Variants in TMOD1 observed in about 807,000 individuals in gnomAD.
The protein encoded by TMOD1 is tropomodulin-1.
TMOD1 carries 17 observed loss-of-function variants against 40.6 expected under a neutral mutation model. The observed-to-expected ratio is 0.42, with a 90% CI of 0.29 to 0.63. TMOD1 has a LOEUF of 0.63. TMOD1 is among the 20% of genes least tolerant of loss of function. TMOD1 has a pLI of 0.22. For synonymous variants in TMOD1, 181 were observed against 175.0 expected (o/e 1.03, Z -0.27); for missense variants, 391 against 447.6 (o/e 0.87, Z 1.14).
intron 9 of TMOD1, 91 bp downstream of exon 9, chr9:97,591,526 C>T: frequency 2.1e-6 from 3 of 1,433,728 alleles, no homozygotes; most frequent in South Asian, 2.6e-5. Flanking sequence ...GTAGATGCCT[C>T]TCCGAGTCTT....
chr9:97,501,630 C>G (rs1238423286), upstream of TMOD1: 4 of 149,114 alleles, frequency 2.7e-5, no homozygotes, highest in Non-Finnish European at 4.5e-5. Context: ...CTCCCACCCC[C>G]GAGCCCACAG....
chr9:97,553,531 T>G, intron 4 of TMOD1, 131 bp downstream of exon 4: 1 of 1,301,442 alleles, frequency 7.7e-7, no homozygotes, highest in Non-Finnish European at 1.0e-6. Context: ...AGACCGAGAG[T>G]GTTCAAACAA....
At chr9:97,508,884 TAAG>T (rs1280265269) in intron 1 of TMOD1, among the ~76,000 whole-genome samples, 4 of 152,198 alleles carry the variant, frequency 2.6e-5, no homozygotes, top group South Asian at 2.1e-4. Flanking sequence ...ACTGGTGTCT[TAAG>T]AAGAAGAGTG....
intron 1 of TMOD1, among the ~76,000 whole-genome samples, chr9:97,505,987 A>G (rs1019040141): frequency 1.3e-5 from 2 of 152,162 alleles, no homozygotes; most frequent in African/African-American, 4.8e-5. Flanking sequence ...CAGATTCATT[A>G]GCCTCTAAGA....
chr9:97,588,959 A>C (rs1825938800), intron 8 of TMOD1, among the ~76,000 whole-genome samples: 1 of 151,954 alleles, frequency 6.6e-6, no homozygotes, highest in South Asian at 2.1e-4. Flanking sequence ...TCTACTAAAA[A>C]TACAAAAATT....
intron 2 of TMOD1, among the ~76,000 whole-genome samples, chr9:97,529,547 A>C: frequency 6.6e-6 from 1 of 152,086 alleles, no homozygotes; most frequent in East Asian, 1.9e-4. Context: ...AAAAAAAAAA[A>C]AAGTCCCCAA....
chr9:97,574,544 G>A (rs1320964300), intron 8 of TMOD1, among the ~76,000 whole-genome samples: 1 of 152,240 alleles, frequency 6.6e-6, no homozygotes, highest in Admixed American at 6.5e-5. Flanking sequence ...AACCACCCAA[G>A]GGCTGAGGAG....
Position 97,553,202 on chromosome 9 carries a change from G to C in TMOD1, c.278-79G>C, listed in dbSNP as rs2297162. ...GGAGGGACCCACAGGGCTCTACAATGGTCCACGCAGGGCTGTGGGTCCACC... is the reference window on the plus strand; with the variant it reads ...GGAGGGACCCACAGGGCTCTACAATCGTCCACGCAGGGCTGTGGGTCCACC... On this transcript the variant is annotated intron_variant, in intron 3 of 9. Transcript: ENST00000259365. 9.9e-4 allele frequency: 1,584 copies of C among 1,596,144 alleles called. 15 individuals carry two copies. The East Asian group carries it at 0.023, about 23-fold the overall frequency.
At chr9:97,516,229 G>A (rs1829805209) in intron 1 of TMOD1, 1 of 152,282 alleles carries the variant, frequency 6.6e-6, no homozygotes, top group Non-Finnish European at 1.5e-5. Context: ...TCTGAGCCAG[G>A]CAGGGGCTGG....
chr9:97,559,266 G>T (rs568915217), intron 4 of TMOD1, among the ~76,000 whole-genome samples: 1 of 152,164 alleles, frequency 6.6e-6, no homozygotes, highest in Admixed American at 6.5e-5. Context: ...TGTTGCCCAC[G>T]TAGATGCAGC....
At chr9:97,559,833 ATC>A (rs1554683093) in intron 4 of TMOD1, among the ~76,000 whole-genome samples, 1 of 43,292 alleles carries the variant, frequency 2.3e-5, no homozygotes, top group Non-Finnish European at 4.8e-5. Context: ...ATGTCTATCT[ATC>A]TATCTATCTA....
chr9:97,528,830 G>T (rs540909392), intron 2 of TMOD1, among the ~76,000 whole-genome samples: 1 of 152,384 alleles, frequency 6.6e-6, no homozygotes, highest in East Asian at 1.9e-4. Context: ...TGGCACCTAG[G>T]CCACTGCCCT....
chr9:97,523,191 T>C (rs1829944673), intron 1 of TMOD1, among the ~76,000 whole-genome samples: 1 of 152,052 alleles, frequency 6.6e-6, no homozygotes, highest in South Asian at 2.1e-4. Flanking sequence ...GAAAATGTCA[T>C]GGTTATGGGA....
At chr9:97,542,096 T>C (rs981883679) in intron 2 of TMOD1, among the ~76,000 whole-genome samples, 6 of 152,250 alleles carry the variant, frequency 3.9e-5, no homozygotes, top group African/African-American at 1.4e-4. Flanking sequence ...TTCTTCCAAA[T>C]GTTTTATAGT....
chr9:97,555,299 C>G, intron 4 of TMOD1: 1 of 1,038,132 alleles, frequency 9.6e-7, no homozygotes, highest in South Asian at 2.8e-5. Flanking sequence ...TGGCTGATGC[C>G]TTGGTGCGGC....
intron 7 of TMOD1, among the ~76,000 whole-genome samples, chr9:97,566,921 A>G (rs929647212): frequency 6.6e-6 from 1 of 152,282 alleles, no homozygotes; most frequent in African/African-American, 2.4e-5. Flanking sequence ...TTCCACTTTC[A>G]TAAAGATTCT....
chr9:97,534,544 A>G (rs1352795331), intron 2 of TMOD1, among the ~76,000 whole-genome samples: 1 of 152,212 alleles, frequency 6.6e-6, no homozygotes, highest in Non-Finnish European at 1.5e-5. Flanking sequence ...GGAAAAGCCA[A>G]TGGCTTGGGA....
chr9:97,520,936 G>A (rs565103429), intron 1 of TMOD1, among the ~76,000 whole-genome samples: 55 of 152,200 alleles, frequency 3.6e-4, no homozygotes, highest in Non-Finnish European at 6.8e-4. Flanking sequence ...CTGCTCCCTC[G>A]GCCTGGCTGG....
intron 1 of TMOD1, among the ~76,000 whole-genome samples, chr9:97,518,672 A>G (rs1829865914): frequency 6.6e-6 from 1 of 152,200 alleles, no homozygotes; most frequent in South Asian, 2.1e-4. Flanking sequence ...GATATGAAGC[A>G]TGGCTGCCCT....
Sources: gnomAD v4.1 joint callset for allele counts (sites outside exome capture counted in the v4.1 genomes callset) on GRCh38, gnomAD v4.1.1 for gene constraint, MANE v1.5 for transcripts, NCBI Gene and HGNC (gene_info 2026-07-23, HGNC 2026-07-21) for gene names.